ELN: variants seen among roughly 807,000 people sequenced by gnomAD.
ELN encodes the protein elastin, also known as tropoelastin.
ELN carries 65 observed loss-of-function variants against 105.8 expected under a neutral mutation model. The ratio of observed to expected loss-of-function variants is 0.61; its 90% CI spans 0.50 to 0.75. The LOEUF (loss-of-function observed/expected upper bound fraction) is 0.75. Among genes scored for constraint, ELN ranks in the 30% least tolerant of loss-of-function variants. The probability of loss-of-function intolerance (pLI) is 0.00; values close to 1 mark genes in which losing one functional copy is unlikely to be tolerated. For missense variants in ELN, 882 were observed against 969.4 expected (o/e 0.91, Z 1.20); for synonymous variants, 368 against 389.2 (o/e 0.95, Z 0.64).
intron 29 of ELN, among the ~76,000 whole-genome samples, chr7:74,064,423 A>AATAT (rs60621659): frequency 0.03 from 3,941 of 133,066 alleles, 69 homozygotes; most frequent in Middle Eastern, 0.055. Context: ...TCAAAAAAAA[A>AATAT]ATATATATAT....
chr7:74,041,459 C>T (rs1791199684), intron 5 of ELN, among the ~76,000 whole-genome samples: 1 of 152,166 alleles, frequency 6.6e-6, no homozygotes, highest in African/African-American at 2.4e-5. Context: ...TCCTTTATAA[C>T]ATAGTAGTGA....
At chr7:74,053,077 A>T in intron 17 of ELN, 86 bp from the exon 18 acceptor site, 1 of 1,600,820 alleles carries the variant, frequency 6.2e-7, no homozygotes, top group Non-Finnish European at 8.5e-7. Flanking sequence ...TTCAGGACCA[A>T]CTGTCACTTC....
chr7:74,060,963 C>G, intron 25 of ELN, 138 bp from the exon 26 acceptor site: 1 of 1,050,848 alleles, frequency 9.5e-7, no homozygotes, highest in Non-Finnish European at 1.5e-6. Flanking sequence ...CCCTAAAGCT[C>G]TGTGCCTGTA....
chr7:74,036,083 G>A (rs1440273407), intron 2 of ELN, among the ~76,000 whole-genome samples: 2 of 152,044 alleles, frequency 1.3e-5, no homozygotes, highest in African/African-American at 4.8e-5. Flanking sequence ...AAGGTCAGGA[G>A]ATCAAGACCA....
intron 21 of ELN, 43 bp from the exon 22 acceptor site, chr7:74,057,589 AGGGAGGGG>A: frequency 6.2e-7 from 1 of 1,609,276 alleles, no homozygotes; most frequent in Non-Finnish European, 8.5e-7. Context: ...GATGGGAAGC[AGGGAGGGG>A]TGTGAGAGAT....
intron 32 of ELN, 21 bp downstream of exon 32, chr7:74,066,797 C>T (rs377590488): frequency 1.9e-6 from 3 of 1,612,670 alleles, no homozygotes; most frequent in Non-Finnish European, 2.5e-6. Flanking sequence ...CTCCCTGCCC[C>T]TGGGCCCTGC....
intron 1 of ELN, among the ~76,000 whole-genome samples, chr7:74,030,355 G>A (rs1222599695): frequency 6.6e-6 from 1 of 152,112 alleles, no homozygotes; most frequent in Non-Finnish European, 1.5e-5. Flanking sequence ...GCGGGGGTGG[G>A]GGAGCAGGAG....
At chr7:74,046,838 C>A in intron 12 of ELN, 71 bp downstream of exon 12, 1 of 1,555,256 alleles carries the variant, frequency 6.4e-7, no homozygotes, top group Non-Finnish European at 8.8e-7. Flanking sequence ...AATCCCAGCA[C>A]TTTGGGAGGC....
chr7:74,068,184 C>T (rs1798393568), intron 32 of ELN, among the ~76,000 whole-genome samples: 1 of 152,150 alleles, frequency 6.6e-6, no homozygotes, highest in Non-Finnish European at 1.5e-5. Flanking sequence ...AGCTCAGACA[C>T]TATGTGGATA....
chr7:74,060,442 G>A lies in ELN; in HGVS notation c.1688G>A (p.Gly563Glu). The change falls in exon 25 of 33, where the codon GGA becomes GAA. Residue 563 changes from glycine (G) to glutamate (E), a missense_variant. Coordinates refer to ENST00000252034, the MANE Select transcript of ELN (RefSeq NM_000501.4). Reference protein sequence around the residue: ...LGVGVGVPGLGVGAGVPGLGV... With the variant: ...LGVGVGVPGLEVGAGVPGLGV... ...GTTGGTGTCGGCGTCCCTGGACTTG[G>A]AGTTGGTGCTGGTGTTCCTGGACTT... The A allele has an allele frequency of 1.9e-6, 3 of 1,613,784 alleles. No individual in the cohort carries two copies. Among genetic ancestry groups the A allele is most frequent in the Non-Finnish European group, 2.5e-6 (3 of 1,179,968 alleles).
chr7:74,053,356 GTGTA>G (rs782232055), intron 18 of ELN, 47 bp downstream of exon 18: 6 of 1,258,426 alleles, frequency 4.8e-6, no homozygotes, highest in Admixed American at 3.0e-5. Context: ...GTGTGTGTGT[GTGTA>G]TTAGAGAGAA....
chr7:74,049,115 C>G (rs1554674407), intron 15 of ELN, among the ~76,000 whole-genome samples: 1 of 149,656 alleles, frequency 6.7e-6, no homozygotes, highest in East Asian at 2.0e-4. Flanking sequence ...CTCCATGGAT[C>G]CATCTATCCA....
rs369551022 is a variant in ELN at position 74,063,295 on chromosome 7, G to A, written c.1859-15G>A. On this transcript the variant is annotated splice_polypyrimidine_tract_variant and intron_variant, in intron 27 of 32. Transcript: ENST00000252034. The surrounding 1 kb of genome is among the most constrained non-coding windows in gnomAD (Gnocchi z 4.1). The stretch of plus-strand genomic sequence containing the variant: ...CAGTACAGAGTGCCTCCCTGAACTC[G>A]GTCTGTGTTCCCAGGAGCCGGACCC... The A allele has an allele frequency of 2.4e-5, 38 of 1,562,956 alleles. No homozygotes were observed. Among genetic ancestry groups the A allele is most frequent in the African/African-American group, 4.0e-5 (3 of 74,090 alleles).
At position 74,046,706 on chromosome 7, in the gene ELN, C is replaced by T. The variant is rs12386581; in HGVS notation, c.582C>T (p.Pro194=). 8 of 1,614,082 alleles carry T rather than the reference C, an allele frequency of 5.0e-6. No individual in the cohort carries two copies. Among genetic ancestry groups the T allele is most frequent in the Non-Finnish European group, 6.8e-6 (8 of 1,180,022 alleles). Residue 194 remains proline (P), a synonymous_variant, in exon 12 of 33, where the codon CCC becomes CCT. Transcript: ENST00000252034. ...GAFAGIPGVG[P]FGGPQPGVPL... is the part of the protein sequence containing the mutation. ...TCTTTATTCCCACAGGAGTTGGACC[C>T]TTTGGGGGACCGCAACCTGGAGTCC...
In ELN at chr7:74,042,794, T is replaced by C. The variant is rs564030495; in HGVS notation, c.325+88T>C. 2.6e-6 allele frequency: 4 copies of C among 1,561,864 alleles called. No individual in the cohort carries two copies. In the African/African-American group the frequency reaches 4.1e-5, roughly 16 times the overall value. ...CAAAGAACCTTCCCTCAACTCAGGC[T>C]TGGGAGCCGGGTGGGTGGGATTGTC... On this transcript the variant is annotated intron_variant, in intron 6 of 32. Coordinates refer to ENST00000252034, the MANE Select transcript of ELN (RefSeq NM_000501.4).
rs782793433 is a variant in ELN at position 74,066,683 on chromosome 7, A to C, written c.2087-49A>C. The C allele has an allele frequency of 2.0e-5, 32 of 1,601,146 alleles. No individual in the cohort carries two copies. The South Asian group carries it at 3.2e-4, about 16-fold the overall frequency. ...TGCAGGCAGAAAGTGATGAGGCTGG[A>C]GTCAGTTTCCACCCCTACCAACCCA... On this transcript the variant is annotated intron_variant, in intron 31 of 32. Transcript: ENST00000252034.
intron 5 of ELN, among the ~76,000 whole-genome samples, chr7:74,042,400 C>G (rs574401493): frequency 6.6e-6 from 1 of 151,896 alleles, no homozygotes; most frequent in Non-Finnish European, 1.5e-5. Flanking sequence ...TGCACTCCAG[C>G]CTGGGTGACA....
intron 15 of ELN, 48 bp downstream of exon 15, chr7:74,048,604 T>C: frequency 5.0e-6 from 8 of 1,610,668 alleles, no homozygotes; most frequent in Non-Finnish European, 6.8e-6. Context: ...GCCCCTAGCC[T>C]CTCCATTCCC....
chr7:74,058,945 C>T (rs527505734), intron 22 of ELN, among the ~76,000 whole-genome samples: 6 of 152,208 alleles, frequency 3.9e-5, no homozygotes, highest in South Asian at 2.1e-4. Flanking sequence ...TTATTTGAGA[C>T]GGGGTCTCAC....
Sources: allele counts gnomAD v4.1 joint callset (sites outside exome capture counted in the v4.1 genomes callset), GRCh38; gene constraint gnomAD v4.1.1; non-coding constraint Gnocchi (gnomAD v3.1); transcripts MANE v1.5; gene names NCBI Gene and HGNC (gene_info 2026-07-23, HGNC 2026-07-21).